The following LINGO2 variants were observed in gnomAD, a reference collection of about 807,000 sequenced individuals.
LINGO2 encodes leucine rich repeat and Ig domain containing 2.
LINGO2 carries 14 observed loss-of-function variants against 30.6 expected under a neutral mutation model. The observed-to-expected ratio is 0.46, with a 90% CI of 0.30 to 0.72. The LOEUF is 0.72. LINGO2 is among the 30% of genes least tolerant of loss of function. The pLI is 0.07. For synonymous variants in LINGO2, 317 were observed against 288.5 expected, an observed-to-expected ratio of 1.10 and a Z score of -1.00; for missense variants, 729 against 751.7, an observed-to-expected ratio of 0.97 and a Z score of 0.35.
intron 2 of LINGO2, among the ~76,000 whole-genome samples, chr9:28,404,660 A>T (rs1475262958): frequency 6.6e-6 from 1 of 152,174 alleles, no homozygotes; most frequent in African/African-American, 2.4e-5. Flanking sequence ...TTCTTTTGAC[A>T]TAAATTTCTT....
intron 5 of LINGO2, among the ~76,000 whole-genome samples, chr9:28,006,306 T>G (rs762053667): frequency 6.6e-6 from 1 of 151,854 alleles, no homozygotes; most frequent in Non-Finnish European, 1.5e-5. Flanking sequence ...TTCTGAGGAT[T>G]AAAAAGAAGA....
intron 1 of LINGO2, among the ~76,000 whole-genome samples, chr9:28,502,502 G>A (rs957577455): frequency 6.6e-6 from 1 of 151,924 alleles, no homozygotes; most frequent in African/African-American, 2.4e-5. Context: ...AACTCAGTGT[G>A]CCCCAAAATG....
At chr9:28,121,156 G>T (rs1165693302) in intron 4 of LINGO2, among the ~76,000 whole-genome samples, 1 of 151,942 alleles carries the variant, frequency 6.6e-6, no homozygotes, top group East Asian at 1.9e-4. Flanking sequence ...AAACTAGAAA[G>T]AAATAAGAAT....
At chr9:28,688,308 A>C in the LINGO2 span, among the ~76,000 whole-genome samples, 1 of 152,318 alleles carries the variant, frequency 6.6e-6, no homozygotes, top group African/African-American at 2.4e-5. Context: ...AAAGCCTTAA[A>C]GCCTTCTCAA....
At chr9:29,039,555 A>G in the LINGO2 span, among the ~76,000 whole-genome samples, 5 of 152,166 alleles carry the variant, frequency 3.3e-5, no homozygotes, top group African/African-American at 1.2e-4. Flanking sequence ...GCCTAGTTGG[A>G]TCACAAATCA....
chr9:28,978,796 A>G, the LINGO2 span, among the ~76,000 whole-genome samples: 2 of 151,664 alleles, frequency 1.3e-5, no homozygotes, highest in Admixed American at 6.6e-5. Context: ...TTATCATTCT[A>G]TTTTATCCCA....
the LINGO2 span, among the ~76,000 whole-genome samples, chr9:28,718,701 C>T: frequency 6.6e-6 from 1 of 152,008 alleles, no homozygotes; most frequent in Admixed American, 6.6e-5. Context: ...ATCTCAACTA[C>T]TCGGCTATCT....
intron 4 of LINGO2, among the ~76,000 whole-genome samples, chr9:28,038,004 T>C (rs1169861897): frequency 6.6e-6 from 1 of 152,222 alleles, no homozygotes; most frequent in Non-Finnish European, 1.5e-5. Flanking sequence ...CAGTGAATAG[T>C]AACTGAACTA....
At chr9:29,172,092 T>C in the LINGO2 span, among the ~76,000 whole-genome samples, 3 of 151,956 alleles carry the variant, frequency 2.0e-5, no homozygotes, top group Admixed American at 6.6e-5. Context: ...TTATGGACTA[T>C]GTCTAAACTC....
chr9:28,385,007 C>T (rs1412170066), intron 2 of LINGO2, among the ~76,000 whole-genome samples: 1 of 152,040 alleles, frequency 6.6e-6, no homozygotes, highest in African/African-American at 2.4e-5. Context: ...TACTCCTATT[C>T]ATTCTCCTTT....
chr9:28,358,977 G>A (rs1315457194), intron 3 of LINGO2, among the ~76,000 whole-genome samples: 1 of 152,146 alleles, frequency 6.6e-6, no homozygotes, highest in Admixed American at 6.5e-5. Context: ...GTCAAGGCTT[G>A]ATAATTCCAG....
intron 1 of LINGO2, among the ~76,000 whole-genome samples, chr9:28,611,410 C>A (rs112193736): frequency 6.6e-6 from 1 of 151,820 alleles, no homozygotes; most frequent in African/African-American, 2.4e-5. Flanking sequence ...AGCATCTACT[C>A]TCTCAGCATA....
intron 4 of LINGO2, among the ~76,000 whole-genome samples, chr9:28,036,830 G>T (rs1463789920): frequency 6.6e-6 from 1 of 152,172 alleles, no homozygotes; most frequent in East Asian, 1.9e-4. Flanking sequence ...AAAAGAAGCA[G>T]GAGAAGCCAG....
chr9:28,377,494 G>A (rs368848789), intron 2 of LINGO2, among the ~76,000 whole-genome samples: 4 of 152,090 alleles, frequency 2.6e-5, no homozygotes, highest in East Asian at 3.9e-4. Context: ...TAGGCTATTC[G>A]TAGTTAAGTT....
the LINGO2 span, among the ~76,000 whole-genome samples, chr9:29,139,017 T>C: frequency 1.3e-5 from 2 of 152,116 alleles, no homozygotes; most frequent in African/African-American, 2.4e-5. Context: ...GATTTCTGAC[T>C]TGCTTGCACA....
At chr9:28,234,505 C>G (rs1476260842) in intron 4 of LINGO2, among the ~76,000 whole-genome samples, 1 of 152,188 alleles carries the variant, frequency 6.6e-6, no homozygotes, top group African/African-American at 2.4e-5. Context: ...CTGGGAGAGG[C>G]AGACCCACTC....
the LINGO2 span, among the ~76,000 whole-genome samples, chr9:28,795,207 T>C: frequency 6.6e-6 from 1 of 152,242 alleles, no homozygotes; most frequent in Non-Finnish European, 1.5e-5. Context: ...GCAAGGACTT[T>C]GTGCCTGTCT....
At chr9:28,872,328 T>A in the LINGO2 span, among the ~76,000 whole-genome samples, 1 of 151,990 alleles carries the variant, frequency 6.6e-6, no homozygotes, top group East Asian at 1.9e-4. Context: ...TTTTTTGACA[T>A]CAAACTATTG....
chr9:28,365,312 G>T (rs1820619217), intron 3 of LINGO2, among the ~76,000 whole-genome samples: 1 of 152,054 alleles, frequency 6.6e-6, no homozygotes, highest in South Asian at 2.1e-4. Flanking sequence ...ATGTCACCTG[G>T]GCCAGATTGT....
Sources: allele counts gnomAD v4.1 joint callset (sites outside exome capture counted in the v4.1 genomes callset), GRCh38; gene constraint gnomAD v4.1.1; transcripts MANE v1.5; gene names NCBI Gene and HGNC (gene_info 2026-07-23, HGNC 2026-07-21).